Variants in ADCY6 observed in about 807,000 individuals in gnomAD.
ADCY6 encodes the protein adenylate cyclase type 6.
Under a neutral mutation model 111.6 loss-of-function variants are expected in ADCY6, and 59 were observed. The observed-to-expected ratio is 0.53, with a 90% confidence interval of 0.43 to 0.66. The LOEUF (loss-of-function observed/expected upper bound fraction) is 0.66. Among genes scored for constraint, ADCY6 ranks in the 30% least tolerant of loss-of-function variants. The pLI, the probability that ADCY6 is intolerant of heterozygous loss-of-function variation, is 0.00. For missense variants in ADCY6, 1,242 were observed against 1,595.6 expected (o/e 0.78, Z 3.78); for synonymous variants, 576 against 642.9 (o/e 0.90, Z 1.57).
rs547924399 is a variant in ADCY6, at chr12:48,776,097, C to T, written c.1678-6G>A. The T allele has an allele frequency of 1.2e-4, 195 of 1,613,648 alleles. 1 individual carries two copies. The highest frequency in any genetic ancestry group is 2.9e-4 in the South Asian group (26 of 90,994). ...AGCATGGCCTTCTCCTCTTTCTGTG[C>T]GGGCAGCATGGGTACAGGCTCAGAA... On this transcript the variant is annotated splice_polypyrimidine_tract_variant and splice_region_variant and intron_variant, in intron 8 of 21. Coordinates refer to ENST00000357869, the MANE Select transcript of ADCY6 (RefSeq NM_015270.5). This position sits in a 1 kb window ranked among gnomAD's most constrained non-coding sequence, Gnocchi z 6.1.
chr12:48,787,966 T>A (rs1942010487), intron 1 of ADCY6, among the ~76,000 whole-genome samples: 2 of 151,972 alleles, frequency 1.3e-5, no homozygotes, highest in South Asian at 2.1e-4. Flanking sequence ...GTCTATCCCA[T>A]CCCCAGGGCC....
At position 48,775,298 on chromosome 12, in the gene ADCY6, C is replaced by T. The variant is rs1261530185; in HGVS notation, c.1980+5G>A. The T allele has an allele frequency of 1.2e-6, 2 of 1,613,860 alleles. No homozygotes were observed. The highest frequency in any genetic ancestry group is 2.2e-5 in the South Asian group (2 of 91,076). ...CCTTGTCCTTCTGCCCTGTATCCCT[C>T]AAACCTTCTTCTCAAGATCCTCTCT... On this transcript the variant is annotated splice_donor_5th_base_variant and intron_variant, in intron 11 of 21. Coordinates refer to ENST00000357869, the MANE Select transcript of ADCY6 (RefSeq NM_015270.5).
intron 2 of ADCY6, among the ~76,000 whole-genome samples, chr12:48,779,914 T>C (rs537204088): frequency 1.3e-5 from 2 of 152,162 alleles, no homozygotes; most frequent in Non-Finnish European, 2.9e-5. Context: ...CCCCTAGCCA[T>C]TTCCAGCTCC....
At position 48,778,260 on chromosome 12, in the gene ADCY6, G is replaced by T. The variant is rs1228642134; in HGVS notation, c.865-3C>A. The T allele has an allele frequency of 6.2e-7, 1 of 1,613,998 alleles. No individual in the cohort carries two copies. Among genetic ancestry groups the T allele is most frequent in the Non-Finnish European group, 8.5e-7 (1 of 1,180,022 alleles). On this transcript the variant is annotated splice_polypyrimidine_tract_variant and splice_region_variant and intron_variant, in intron 2 of 21. Transcript: ENST00000357869. ...AACAGCAGCACATTGGCACCGAGCTGCAGGAGGTGGCAGAGGCAGACAGTG... is the reference window on the plus strand; with the variant it reads ...AACAGCAGCACATTGGCACCGAGCTTCAGGAGGTGGCAGAGGCAGACAGTG...
Position 48,776,635 on chromosome 12 carries a change from C to T in ADCY6, c.1377-49G>A, listed in dbSNP as rs527397584. 2 of 1,566,930 alleles carry T rather than the reference C, an allele frequency of 1.3e-6. No individual in the cohort carries two copies. The highest frequency in any genetic ancestry group is 2.2e-5 in the East Asian group (1 of 44,506). On this transcript the variant is annotated intron_variant, in intron 6 of 21. Transcript: ENST00000357869. This position sits in a 1 kb window ranked among gnomAD's most constrained non-coding sequence, Gnocchi z 6.1. ...AGCTCCTGGCAGTCTTCCCCTCCCC[C>T]AGCCCACAACCCAGGCCCTTCACTC...
At chr12:48,785,249 T>C (rs1459031043) in intron 1 of ADCY6, among the ~76,000 whole-genome samples, 1 of 152,250 alleles carries the variant, frequency 6.6e-6, no homozygotes, top group African/African-American at 2.4e-5. Flanking sequence ...CTGACTGGAA[T>C]GTCAGCCTTA....
At position 48,775,300 on chromosome 12, in the gene ADCY6, A is replaced by T. The variant is rs1941665741; in HGVS notation, c.1980+3T>A. The T allele has an allele frequency of 1.2e-6, 2 of 1,613,652 alleles. No individual in the cohort carries two copies. Among genetic ancestry groups the T allele is most frequent in the Non-Finnish European group, 1.7e-6 (2 of 1,179,870 alleles). ...TTGTCCTTCTGCCCTGTATCCCTCA[A>T]ACCTTCTTCTCAAGATCCTCTCTCT... is the stretch of plus-strand genomic sequence containing the variant. On this transcript the variant is annotated splice_donor_region_variant and intron_variant, in intron 11 of 21. Coordinates refer to ENST00000357869, the MANE Select transcript of ADCY6 (RefSeq NM_015270.5).
rs1941868540 is a variant in ADCY6, at chr12:48,782,516, G to A, written c.864+55C>T. On this transcript the variant is annotated intron_variant, in intron 2 of 21. Transcript: ENST00000357869. This position sits in a 1 kb window ranked among gnomAD's most constrained non-coding sequence, Gnocchi z 4.3. ...CCTCACTAAGCCCCCACCTGCTTAT[G>A]AGGTGAGAAATTCCCCACCTGCTGC... 2 of 1,556,180 alleles carry A rather than the reference G, an allele frequency of 1.3e-6. No individual in the cohort carries two copies. Among genetic ancestry groups the A allele is most frequent in the African/African-American group, 1.4e-5 (1 of 73,676 alleles).
At position 48,772,000 on chromosome 12, in the gene ADCY6, TGCCC is replaced by T. The variant is rs781331177; in HGVS notation, c.2788-31_2788-28del. The T allele has an allele frequency of 6.3e-7, 1 of 1,586,928 alleles. No homozygotes were observed. The highest frequency in any genetic ancestry group is 1.2e-5 in the South Asian group (1 of 85,814). On this transcript the variant is annotated intron_variant, in intron 18 of 21. Coordinates refer to ENST00000357869, the MANE Select transcript of ADCY6 (RefSeq NM_015270.5). The surrounding 1 kb of genome is among the most constrained non-coding windows in gnomAD (Gnocchi z 4.3). Reference sequence around the variant, plus strand: ...TGTGGACACCACACCCATCACCCATTGCCCGACATTCACAAGGGGTAGGTGTGGT... The same window carrying T: ...TGTGGACACCACACCCATCACCCATTGACATTCACAAGGGGTAGGTGTGGT...
chr12:48,768,858 G>T, intron 21 of ADCY6, 79 bp downstream of exon 21: 1 of 1,554,934 alleles, frequency 6.4e-7, no homozygotes, highest in African/African-American at 1.4e-5. Flanking sequence ...CCCTACCCCT[G>T]TCCTAGCAGA....
In ADCY6 at chr12:48,773,509, T is replaced by C. The variant is rs753681344; in HGVS notation, c.2581A>G (p.Ile861Val). Residue 861 changes from isoleucine (I) to valine (V), a missense_variant, in exon 16 of 22, where the codon ATC becomes GTC. Coordinates refer to ENST00000357869, the MANE Select transcript of ADCY6 (RefSeq NM_015270.5). ...VLLLLGPPAT[I>V]FDNYDLLLGV... ...AGCAGTAGGTCATAGTTGTCAAAGA[T>C]GGTGGCTGGGGGACCCAGCAGAAGC... 84 of 1,613,870 alleles carry C rather than the reference T, an allele frequency of 5.2e-5. No individual in the cohort carries two copies. Among genetic ancestry groups the C allele is most frequent in the Non-Finnish European group, 7.0e-5 (83 of 1,179,994 alleles).
chr12:48,784,517 A>G (rs918732415), intron 1 of ADCY6, among the ~76,000 whole-genome samples: 2 of 151,874 alleles, frequency 1.3e-5, no homozygotes, highest in Non-Finnish European at 1.5e-5. Flanking sequence ...TCAATGAGTG[A>G]AGCAGCTTAT....
rs934935412 is a variant in ADCY6, at chr12:48,783,315, C to A, written c.120G>T (p.Thr40=). Residue 40 remains threonine, a synonymous_variant, in exon 2 of 22, where the codon ACG becomes ACT. Coordinates refer to ENST00000357869, the MANE Select transcript of ADCY6 (RefSeq NM_015270.5). ...RRGTRAGGFC[T]PRYMSCLRDA... is the part of the protein sequence containing the mutation. The stretch of plus-strand genomic sequence containing the variant: ...CCCGGAGGCAGCTCATATAGCGGGG[C>A]GTGCAGAAGCCACCTGCCCGAGTGC... The A allele has an allele frequency of 5.6e-6, 9 of 1,613,512 alleles. No individual in the cohort carries two copies. The Admixed American group carries it at 8.3e-5, about 15-fold the overall frequency.
Position 48,777,853 on chromosome 12 carries a change from T to A in ADCY6, c.1015-117A>T, listed in dbSNP as rs772826306. On this transcript the variant is annotated intron_variant, in intron 3 of 21. Transcript: ENST00000357869. This position sits in a 1 kb window ranked among gnomAD's most constrained non-coding sequence, Gnocchi z 4.9. ...ACTTCTCTGAAGACCTGACCTTCCCTTCTGGACTGTGGCCTGACCTTCCCC... is the reference window on the plus strand; with the variant it reads ...ACTTCTCTGAAGACCTGACCTTCCCATCTGGACTGTGGCCTGACCTTCCCC... The A allele has an allele frequency of 7.4e-6, 11 of 1,485,188 alleles. No homozygotes were observed. Among genetic ancestry groups the A allele is most frequent in the Non-Finnish European group, 1.0e-5 (11 of 1,102,180 alleles). The allele number at this position is 1,485,188 out of a possible 1,614,324, so 92.0% of individuals were successfully genotyped here.
Position 48,776,136 on chromosome 12 carries a change from G to A in ADCY6, c.1678-45C>T. The A allele has an allele frequency of 6.2e-7, 1 of 1,613,876 alleles. No individual in the cohort carries two copies. Among genetic ancestry groups the A allele is most frequent in the Non-Finnish European group, 8.5e-7 (1 of 1,179,890 alleles). On this transcript the variant is annotated intron_variant, in intron 8 of 21. Coordinates refer to ENST00000357869, the MANE Select transcript of ADCY6 (RefSeq NM_015270.5). This position sits in a 1 kb window ranked among gnomAD's most constrained non-coding sequence, Gnocchi z 6.1. Reference sequence around the variant, plus strand: ...ACAGGCTCAGAAGAGGGGCCCAGAGGAGGCCTTGGCCTGCTCCTCCCCATT... The same window carrying A: ...ACAGGCTCAGAAGAGGGGCCCAGAGAAGGCCTTGGCCTGCTCCTCCCCATT...
At chr12:48,768,784 G>T in intron 21 of ADCY6, 68 bp from the exon 22 acceptor site, 8 of 1,588,130 alleles carry the variant, frequency 5.0e-6, no homozygotes, top group South Asian at 1.2e-5. Flanking sequence ...GGGCCCAGGG[G>T]TTCTCTAGTC....
chr12:48,774,560 C>A, intron 13 of ADCY6, 42 bp from the exon 14 acceptor site: 1 of 1,598,190 alleles, frequency 6.3e-7, no homozygotes, highest in Non-Finnish European at 8.6e-7. Context: ...TTGTATCAGC[C>A]AAGGAGGAAT....
intron 11 of ADCY6, 98 bp downstream of exon 11, chr12:48,775,204 AT>A (rs1336415732): frequency 2.6e-6 from 4 of 1,547,256 alleles, no homozygotes; most frequent in Non-Finnish European, 3.5e-6. Context: ...TCCCTTCTCC[AT>A]CCCCCAGAAA....
chr12:48,770,054 C>T (rs956738984), intron 20 of ADCY6, among the ~76,000 whole-genome samples: 21 of 150,674 alleles, frequency 1.4e-4, no homozygotes, highest in African/African-American at 4.7e-4. Context: ...AGCCACTGCG[C>T]CCGGCCTAAT....
Sources: gnomAD v4.1 joint callset for allele counts (sites outside exome capture counted in the v4.1 genomes callset) on GRCh38, gnomAD v4.1.1 for gene constraint, Gnocchi (gnomAD v3.1) non-coding constraint, MANE v1.5 for transcripts, NCBI Gene and HGNC (gene_info 2026-07-23, HGNC 2026-07-21) for gene names.